The following RPH3A variants were observed in gnomAD, a reference collection of about 807,000 sequenced individuals.
RPH3A encodes rabphilin 3A.
RPH3A carries 48 observed loss-of-function variants against 102.2 expected under a neutral mutation model. The observed-to-expected ratio is 0.47, with a 90% CI of 0.37 to 0.60. The LOEUF is 0.60. RPH3A is among the 20% of genes least tolerant of loss of function. The pLI, the probability that RPH3A is intolerant of heterozygous loss-of-function variation, is 0.00. For synonymous variants in RPH3A, 310 were observed against 324.3 expected, an observed-to-expected ratio of 0.96 and a Z score of 0.47; for missense variants, 781 against 910.1, an observed-to-expected ratio of 0.86 and a Z score of 1.83.
intron 1 of RPH3A, among the ~76,000 whole-genome samples, chr12:112,700,745 A>G (rs1344308085): frequency 6.6e-6 from 1 of 152,180 alleles, no homozygotes; most frequent in African/African-American, 2.4e-5. Context: ...TTTCCTTGGC[A>G]TTTCAAACCT....
intron 1 of RPH3A, among the ~76,000 whole-genome samples, chr12:112,721,479 A>C (rs138419510): frequency 1.2e-3 from 180 of 152,378 alleles, no homozygotes; most frequent in South Asian, 1.4e-3. Flanking sequence ...CAGATTGTGA[A>C]TATATCAGAC....
chr12:112,656,696 T>G (rs1047918399), intron 1 of RPH3A, among the ~76,000 whole-genome samples: 1 of 152,168 alleles, frequency 6.6e-6, no homozygotes, highest in Non-Finnish European at 1.5e-5. Flanking sequence ...TTCTGAGTTA[T>G]TTCCCATAGG....
chr12:112,817,201 A>G (rs1459919166), intron 2 of RPH3A, among the ~76,000 whole-genome samples: 1 of 152,060 alleles, frequency 6.6e-6, no homozygotes, highest in East Asian at 1.9e-4. Context: ...ATCATTGTTG[A>G]TCCACAGAAA....
At chr12:112,796,152 G>A (rs1373505342) in intron 2 of RPH3A, among the ~76,000 whole-genome samples, 1 of 152,220 alleles carries the variant, frequency 6.6e-6, no homozygotes, top group Non-Finnish European at 1.5e-5. Flanking sequence ...TAAGCAACTA[G>A]CAGGGGAGTC....
rs760889565 is a variant in RPH3A at position 112,867,249 on chromosome 12, C to CA, written c.444+410dup. 2.8e-4 allele frequency among the ~76,000 whole-genome samples: 43 copies of CA among 152,128 alleles called. No individual in the cohort carries two copies. The East Asian group carries it at 5.8e-3, about 20-fold the overall frequency. On this transcript the variant is annotated intron_variant, in intron 7 of 21. Transcript: ENST00000389385. The stretch of plus-strand genomic sequence containing the variant: ...CCCCTTTCCTCATTTTGTTATTTCT[C>CA]ACATCTTCACACCCTTTTCTCGGCG...
At chr12:112,634,237 A>G (rs2039829876) in intron 1 of RPH3A, among the ~76,000 whole-genome samples, 1 of 55,704 alleles carries the variant, frequency 1.8e-5, no homozygotes, top group African/African-American at 1.1e-4. Flanking sequence ...AGTCCCAGCT[A>G]CTTGGGAGGC....
At chr12:112,610,316 A>G (rs1032624129) in intron 1 of RPH3A, among the ~76,000 whole-genome samples, 1 of 152,056 alleles carries the variant, frequency 6.6e-6, no homozygotes, top group Admixed American at 6.6e-5. Context: ...CAGCCTGGCT[A>G]ACATGGTGAA....
chr12:112,752,851 C>G (rs1412884391), intron 1 of RPH3A, among the ~76,000 whole-genome samples: 1 of 151,744 alleles, frequency 6.6e-6, no homozygotes, highest in Non-Finnish European at 1.5e-5. Flanking sequence ...TATCTTGAAC[C>G]TCTTTCCTCA....
chr12:112,798,107 T>C (rs1723640315), intron 2 of RPH3A, among the ~76,000 whole-genome samples: 2 of 152,240 alleles, frequency 1.3e-5, no homozygotes, highest in Non-Finnish European at 1.5e-5. Flanking sequence ...CTCGAAGTAA[T>C]TGTCTTGCTG....
At chr12:112,776,644 G>A (rs2040967841) in intron 1 of RPH3A, among the ~76,000 whole-genome samples, 1 of 152,076 alleles carries the variant, frequency 6.6e-6, no homozygotes, top group African/African-American at 2.4e-5. Context: ...GGAGGCTGAG[G>A]TGGGAGGATC....
intron 5 of RPH3A, among the ~76,000 whole-genome samples, chr12:112,858,009 C>G (rs138619682): frequency 1.3e-5 from 2 of 152,180 alleles, no homozygotes; most frequent in African/African-American, 4.8e-5. Flanking sequence ...TGTCTCATAC[C>G]TGTAATCCCA....
chr12:112,759,032 G>A (rs572333119), intron 1 of RPH3A, among the ~76,000 whole-genome samples: 2 of 152,212 alleles, frequency 1.3e-5, no homozygotes, highest in African/African-American at 4.8e-5. Context: ...ACTGGAAATA[G>A]ACCTGGACTT....
intron 1 of RPH3A, among the ~76,000 whole-genome samples, chr12:112,630,782 C>T (rs1483167514): frequency 1.3e-5 from 2 of 152,274 alleles, no homozygotes; most frequent in Non-Finnish European, 2.9e-5. Context: ...GGGCTGGGCA[C>T]TGTTCTAGGC....
At chr12:112,818,576 C>T (rs2041720989) in intron 2 of RPH3A, among the ~76,000 whole-genome samples, 1 of 152,060 alleles carries the variant, frequency 6.6e-6, no homozygotes, top group South Asian at 2.1e-4. Flanking sequence ...CACATAGTTC[C>T]AGCAAAAGAC....
intron 1 of RPH3A, among the ~76,000 whole-genome samples, chr12:112,775,236 A>G (rs1209002331): frequency 6.6e-6 from 1 of 152,236 alleles, no homozygotes; most frequent in African/African-American, 2.4e-5. Context: ...AAATCAAAAA[A>G]AAGTTTGGAA....
At position 112,875,701 on chromosome 12, in the gene RPH3A, G is replaced by A. The variant is rs546047731; in HGVS notation, c.906G>A (p.Pro302=). 67 of 1,613,584 alleles carry A rather than the reference G, an allele frequency of 4.2e-5. No homozygotes were observed. Among genetic ancestry groups the A allele is most frequent in the Non-Finnish European group, 5.5e-5 (65 of 1,179,862 alleles). Residue 302 remains proline (P), a synonymous_variant, in exon 12 of 22, where the codon CCG becomes CCA. Coordinates refer to ENST00000389385, the MANE Select transcript of RPH3A (RefSeq NM_001143854.2). ...CAGGGACCCCAGGAGGAAGCAGACC[G>A]GGTCCTGGGCCAGCAGGACGCTTTC... ...GQPGTPGGSR[P]GPGPAGRFPD... is the part of the protein sequence containing the mutation.
intron 1 of RPH3A, among the ~76,000 whole-genome samples, chr12:112,676,384 G>A (rs2040174506): frequency 6.6e-6 from 1 of 152,196 alleles, no homozygotes; most frequent in South Asian, 2.1e-4. Context: ...GGGTGCAAGG[G>A]CTCTTGGCCG....
chr12:112,837,917 C>T (rs1265799983), intron 4 of RPH3A: 1 of 435,938 alleles, frequency 2.3e-6, no homozygotes, highest in Non-Finnish European at 4.6e-6. Context: ...CTTCCTCCCT[C>T]CCTTCCTCTA....
intron 1 of RPH3A, among the ~76,000 whole-genome samples, chr12:112,716,253 C>T (rs554148677): frequency 7.2e-5 from 11 of 152,234 alleles, no homozygotes; most frequent in South Asian, 2.1e-4. Context: ...GGGAATGCAG[C>T]CCAGTAGGTC....
Sources: allele counts gnomAD v4.1 joint callset (sites outside exome capture counted in the v4.1 genomes callset), GRCh38; gene constraint gnomAD v4.1.1; transcripts MANE v1.5; gene names NCBI Gene and HGNC (gene_info 2026-07-23, HGNC 2026-07-21).